RAD51B: variants seen among roughly 807,000 people sequenced by gnomAD.
RAD51B encodes the protein RAD51 paralog B.
A neutral mutation model predicts 42.2 loss-of-function variants in RAD51B; 38 were observed. The ratio of observed to expected loss-of-function variants is 0.90; its 90% confidence interval spans 0.70 to 1.18. The LOEUF (loss-of-function observed/expected upper bound fraction) is 1.18, where lower values mean the gene tolerates loss of function less well. Among genes scored for constraint, RAD51B ranks in the 50% most tolerant of loss-of-function variants. The pLI is 0.00. For missense variants in RAD51B, 373 were observed against 400.7 expected, an observed-to-expected ratio of 0.93 and a Z score of 0.59; for synonymous variants, 154 against 145.2, an observed-to-expected ratio of 1.06 and a Z score of -0.43.
chr14:68,567,057 T>C (rs1025181863), intron 10 of RAD51B, among the ~76,000 whole-genome samples: 2 of 152,162 alleles, frequency 1.3e-5, no homozygotes, highest in African/African-American at 4.8e-5. Flanking sequence ...CCCAGCACTT[T>C]GGAAGGCCGA....
chr14:68,157,489 TAAA>T (rs1207875887), intron 7 of RAD51B, among the ~76,000 whole-genome samples: 1 of 152,224 alleles, frequency 6.6e-6, no homozygotes, highest in Non-Finnish European at 1.5e-5. Flanking sequence ...ATTTCAGAAC[TAAA>T]ATAGTCTGAG....
chr14:68,582,810 A>G (rs988733801), intron 10 of RAD51B, among the ~76,000 whole-genome samples: 2 of 152,212 alleles, frequency 1.3e-5, no homozygotes, highest in African/African-American at 4.8e-5. Flanking sequence ...ACACCATGGA[A>G]TACTATGCAG....
chr14:68,247,717 T>C (rs568653062), intron 7 of RAD51B, among the ~76,000 whole-genome samples: 1 of 152,358 alleles, frequency 6.6e-6, no homozygotes, highest in South Asian at 2.1e-4. Context: ...ATTTGGGGGA[T>C]TTTTTATATG....
In RAD51B at chr14:67,865,102, G is replaced by T; in HGVS notation, c.415G>T (p.Val139Leu). 1.2e-6 allele frequency: 2 copies of T among 1,602,424 alleles called. No homozygotes were observed. Among genetic ancestry groups the T allele is most frequent in the Non-Finnish European group, 1.7e-6 (2 of 1,174,100 alleles). Reference sequence around the variant, plus strand: ...CATGGGAGGATTAGAAGGAGCTGTGGTGTACATTGACACAGAGTCTGCATT... The same window carrying T: ...CATGGGAGGATTAGAAGGAGCTGTGTTGTACATTGACACAGAGTCTGCATT... ...TNMGGLEGAVVYIDTESAFSA... is the reference protein window; with the variant it reads ...TNMGGLEGAVLYIDTESAFSA... The change falls in exon 5 of 11, where the codon GTG becomes TTG. Residue 139 changes from valine (V) to leucine (L), a missense_variant. Coordinates refer to ENST00000471583, the MANE Select transcript of RAD51B (RefSeq NM_133510.4).
chr14:68,418,045 C>G (rs1206787316), intron 9 of RAD51B, among the ~76,000 whole-genome samples: 2 of 152,120 alleles, frequency 1.3e-5, no homozygotes, highest in South Asian at 2.1e-4. Flanking sequence ...AAAAACAAAA[C>G]ACGGGTGAGA....
chr14:68,033,349 A>G lies in RAD51B; in HGVS notation c.756+146145A>G, dbSNP rs931395837. On this transcript the variant is annotated intron_variant, in intron 7 of 10. Transcript: ENST00000471583. ...TTTCAGCACATGCTCTTATTTTTCTATCTTCACACATTCCCTAATTTTAAA... is the reference window on the plus strand; with the variant it reads ...TTTCAGCACATGCTCTTATTTTTCTGTCTTCACACATTCCCTAATTTTAAA... 4.6e-5 allele frequency among the ~76,000 whole-genome samples: 7 copies of G among 152,320 alleles called. No individual in the cohort carries two copies. The East Asian group carries it at 5.8e-4, about 13-fold the overall frequency.
At chr14:67,919,677 G>A (rs930144683) in intron 7 of RAD51B, among the ~76,000 whole-genome samples, 1 of 152,156 alleles carries the variant, frequency 6.6e-6, no homozygotes, top group African/African-American at 2.4e-5. Flanking sequence ...TTTCCTGTGT[G>A]ATATGCACCG....
intron 7 of RAD51B, among the ~76,000 whole-genome samples, chr14:67,902,699 T>C (rs1316221251): frequency 6.6e-6 from 1 of 152,200 alleles, no homozygotes; most frequent in Non-Finnish European, 1.5e-5. Flanking sequence ...TGGATCAGTG[T>C]AGTTCTTTTA....
intron 10 of RAD51B, among the ~76,000 whole-genome samples, chr14:68,558,574 T>C (rs1302275889): frequency 2.0e-5 from 3 of 152,190 alleles, no homozygotes; most frequent in African/African-American, 7.2e-5. Context: ...CCTTGGCTTG[T>C]AGCTGCCCCA....
intron 7 of RAD51B, among the ~76,000 whole-genome samples, chr14:68,285,381 C>A (rs979652765): frequency 2.0e-5 from 3 of 152,154 alleles, no homozygotes; most frequent in African/African-American, 7.2e-5. Flanking sequence ...AGCAGAGAGA[C>A]CATTTTTAGT....
intron 8 of RAD51B, among the ~76,000 whole-genome samples, chr14:68,381,074 TC>T (rs1032028270): frequency 6.6e-6 from 1 of 152,222 alleles, no homozygotes; most frequent in Non-Finnish European, 1.5e-5. Context: ...CTTTCCTATT[TC>T]CCCATATATC....
At chr14:67,921,621 AC>A (rs1156492773) in intron 7 of RAD51B, among the ~76,000 whole-genome samples, 1 of 128,924 alleles carries the variant, frequency 7.8e-6, no homozygotes, top group Non-Finnish European at 1.7e-5. Flanking sequence ...ACACACACAC[AC>A]ATTTTGTGGT....
intron 7 of RAD51B, among the ~76,000 whole-genome samples, chr14:68,044,118 C>G (rs1595309101): frequency 6.6e-6 from 1 of 152,294 alleles, no homozygotes; most frequent in East Asian, 1.9e-4. Context: ...AAAAGCAGTG[C>G]CAGCAACTCA....
intron 7 of RAD51B, among the ~76,000 whole-genome samples, chr14:68,203,087 A>G (rs898261962): frequency 1.3e-5 from 2 of 152,148 alleles, no homozygotes; most frequent in Admixed American, 6.5e-5. Flanking sequence ...ACCTCCTCCC[A>G]TGAATCATGA....
At chr14:68,661,128 G>A (rs1892923170) in intron 11 of RAD51B, among the ~76,000 whole-genome samples, 1 of 152,200 alleles carries the variant, frequency 6.6e-6, no homozygotes, top group African/African-American at 2.4e-5. Flanking sequence ...GAAAGAGGGG[G>A]ACAGATTTCA....
chr14:68,614,451 T>G (rs1782559353), downstream of RAD51B, among the ~76,000 whole-genome samples: 1 of 152,218 alleles, frequency 6.6e-6, no homozygotes, highest in Admixed American at 6.5e-5. Context: ...TTATCACCAT[T>G]ATCTAGTTCC....
At chr14:68,438,989 T>C (rs2085214499) in intron 9 of RAD51B, among the ~76,000 whole-genome samples, 1 of 152,130 alleles carries the variant, frequency 6.6e-6, no homozygotes, top group Admixed American at 6.5e-5. Flanking sequence ...AGTCAGTGGA[T>C]TGTTTGCTCT....
chr14:68,148,393 A>T (rs904252803), intron 7 of RAD51B, among the ~76,000 whole-genome samples: 3 of 152,216 alleles, frequency 2.0e-5, no homozygotes, highest in Admixed American at 1.3e-4. Context: ...TCAGCTTTGT[A>T]AGAAACTGCC....
At chr14:68,214,563 G>A (rs1463451309) in intron 7 of RAD51B, among the ~76,000 whole-genome samples, 5 of 152,180 alleles carry the variant, frequency 3.3e-5, no homozygotes, top group Admixed American at 2.0e-4. Flanking sequence ...TCCAAGTAAA[G>A]CATGTCAGTA....
Sources: gnomAD v4.1 joint callset for allele counts (sites outside exome capture counted in the v4.1 genomes callset) on GRCh38, gnomAD v4.1.1 for gene constraint, MANE v1.5 for transcripts, NCBI Gene and HGNC (gene_info 2026-07-23, HGNC 2026-07-21) for gene names.